The following SCAI variants were observed in gnomAD, a reference collection of about 807,000 sequenced individuals.
The protein encoded by SCAI is protein SCAI.
In SCAI, 24 loss-of-function variants were observed where a neutral mutation model predicts 92.2. That is an observed-to-expected ratio of 0.26 (90% CI 0.19 to 0.37). The LOEUF (loss-of-function observed/expected upper bound fraction) is 0.37, where lower values mean the gene tolerates loss of function less well. Among genes scored for constraint, SCAI ranks in the 10% least tolerant of loss-of-function variants. SCAI has a pLI of 1.00. For synonymous variants in SCAI, 261 were observed against 258.6 expected (o/e 1.01, Z -0.09); for missense variants, 450 against 736.2 (o/e 0.61, Z 4.50).
intron 2 of SCAI, among the ~76,000 whole-genome samples, chr9:125,060,212 TAA>T (rs1199185054): frequency 6.8e-6 from 1 of 146,572 alleles, no homozygotes; most frequent in East Asian, 2.0e-4. Context: ...AGATGTGCTA[TAA>T]ATGTGAGGTA....
At chr9:125,064,552 A>T (rs999910425) in intron 2 of SCAI, among the ~76,000 whole-genome samples, 1 of 152,158 alleles carries the variant, frequency 6.6e-6, no homozygotes, top group African/African-American at 2.4e-5. Flanking sequence ...AAATATTACT[A>T]AAAAAATTCT....
intron 3 of SCAI, 119 bp downstream of exon 3, chr9:125,055,757 C>A (rs1833649374): frequency 1.4e-6 from 1 of 728,320 alleles, no homozygotes; most frequent in East Asian, 2.7e-5. Flanking sequence ...CATGATCACT[C>A]TAATACAGAA....
At chr9:124,964,182 T>C (rs1466835833) in intron 17 of SCAI, among the ~76,000 whole-genome samples, 3 of 152,180 alleles carry the variant, frequency 2.0e-5, no homozygotes, top group Non-Finnish European at 4.4e-5. Flanking sequence ...TTGTCTAATG[T>C]CCATTTGTTT....
In SCAI at chr9:125,005,606, C is replaced by A. The variant is rs368704780; in HGVS notation, c.862-2036G>T. Among the ~76,000 whole-genome samples, 208 of 152,306 alleles carry A rather than the reference C, an allele frequency of 1.4e-3. 4 individuals carry two copies. Among genetic ancestry groups the A allele is most frequent in the African/African-American group, 4.6e-3 (193 of 41,570 alleles). On this transcript the variant is annotated intron_variant, in intron 9 of 17. Coordinates refer to ENST00000336505, the MANE Select transcript of SCAI (RefSeq NM_001144877.3). ...TCGGCCTCCCAAAGTGCTGGGATTA[C>A]AGGCATGAGCCACTGCGCCCAGCCA...
At chr9:125,076,070 T>C (rs1306724248) in intron 2 of SCAI, among the ~76,000 whole-genome samples, 1 of 152,158 alleles carries the variant, frequency 6.6e-6, no homozygotes, top group African/African-American at 2.4e-5. Context: ...GTGTATGTAG[T>C]ATAAATACAA....
chr9:125,091,844 G>C lies in SCAI; in HGVS notation c.99-35837C>G, dbSNP rs987422505. On this transcript the variant is annotated intron_variant, in intron 2 of 17. Coordinates refer to ENST00000336505, the MANE Select transcript of SCAI (RefSeq NM_001144877.3). The surrounding 1 kb of genome is among the most constrained non-coding windows in gnomAD (Gnocchi z 4.3). ...ACAGAGGCTTGGGCCGGGCACAGTG[G>C]CTCACGCCTGTAATCCCAGCACTGC... Among the ~76,000 whole-genome samples, 75 of 152,302 alleles carry C rather than the reference G, an allele frequency of 4.9e-4. No homozygotes were observed. Among genetic ancestry groups the C allele is most frequent in the African/African-American group, 1.8e-3 (73 of 41,560 alleles).
chr9:124,963,177 C>T (rs1588118836), intron 17 of SCAI, among the ~76,000 whole-genome samples: 1 of 151,510 alleles, frequency 6.6e-6, no homozygotes, highest in African/African-American at 2.4e-5. Context: ...GCTTTTGTTA[C>T]CCAGGCTGGA....
chr9:125,083,800 G>A (rs1012170589), intron 2 of SCAI, among the ~76,000 whole-genome samples: 5 of 152,096 alleles, frequency 3.3e-5, no homozygotes, highest in Non-Finnish European at 5.9e-5. Context: ...CTTTCACAGA[G>A]TGTACTTTCT....
chr9:125,104,865 G>A (rs1004505120), intron 2 of SCAI, among the ~76,000 whole-genome samples: 9 of 151,946 alleles, frequency 5.9e-5, no homozygotes, highest in Non-Finnish European at 1.2e-4. Flanking sequence ...GGCTGAGGCA[G>A]GAGAATAGCT....
intron 2 of SCAI, among the ~76,000 whole-genome samples, chr9:125,141,656 C>T (rs1355498576): frequency 6.6e-6 from 1 of 152,138 alleles, no homozygotes; most frequent in Non-Finnish European, 1.5e-5. Context: ...AATAAGAAAA[C>T]CTACTTTCAA....
chr9:125,064,364 G>A (rs906044877), intron 2 of SCAI, among the ~76,000 whole-genome samples: 4 of 152,058 alleles, frequency 2.6e-5, no homozygotes, highest in Non-Finnish European at 4.4e-5. Flanking sequence ...GACGGGTGCC[G>A]TGGTTCAAAT....
At chr9:124,982,348 C>T (rs1282203925) in intron 14 of SCAI, among the ~76,000 whole-genome samples, 4 of 151,992 alleles carry the variant, frequency 2.6e-5, no homozygotes, top group Non-Finnish European at 5.9e-5. Flanking sequence ...TTTCATTGCC[C>T]TAAATTGTAT....
intron 17 of SCAI, among the ~76,000 whole-genome samples, chr9:124,957,133 G>A (rs1480656795): frequency 4.6e-5 from 7 of 151,674 alleles, no homozygotes; most frequent in Non-Finnish European, 8.8e-5. Context: ...CTGGGGCTAT[G>A]GGCATGTGCC....
At chr9:125,008,938 T>C (rs1374765951) in intron 9 of SCAI, among the ~76,000 whole-genome samples, 1 of 151,766 alleles carries the variant, frequency 6.6e-6, no homozygotes, top group African/African-American at 2.4e-5. Context: ...AGTGAGAAAA[T>C]CTTAAAAACA....
At chr9:125,004,752 TATATATATATATATATATATA>T (rs1157145622) in intron 9 of SCAI, among the ~76,000 whole-genome samples, 732 of 15,128 alleles carry the variant, frequency 0.048, 41 homozygotes, top group South Asian at 0.081. Context: ...TATATATATA[TATATATATATATATATATATA>T]TATATATTTT....
intron 2 of SCAI, among the ~76,000 whole-genome samples, chr9:125,137,584 G>A (rs992861413): frequency 2.0e-5 from 3 of 152,138 alleles, no homozygotes; most frequent in African/African-American, 7.2e-5. Flanking sequence ...CACTTGGATT[G>A]AGAAGTATAA....
Position 124,994,913 on chromosome 9 carries a change from A to G in SCAI, c.1326+21T>C, listed in dbSNP as rs774529067. ...TTGGTGCCACAATGTCTACCTGTGC[A>G]ATAGCTCTCATGGAACTCACCTTAT... On this transcript the variant is annotated intron_variant, in intron 14 of 17. Coordinates refer to ENST00000336505, the MANE Select transcript of SCAI (RefSeq NM_001144877.3). The G allele has an allele frequency of 4.5e-6, 7 of 1,570,252 alleles. No individual in the cohort carries two copies. In the African/African-American group the frequency reaches 8.1e-5, roughly 18 times the overall value.
At chr9:125,009,151 GAAAATAT>G (rs982670268) in intron 9 of SCAI, among the ~76,000 whole-genome samples, 11 of 151,870 alleles carry the variant, frequency 7.2e-5, no homozygotes, top group South Asian at 4.1e-4. Flanking sequence ...TCAACTGAAA[GAAAATAT>G]AAAATATAAA....
chr9:125,008,125 G>A (rs529628412), intron 9 of SCAI, among the ~76,000 whole-genome samples: 16 of 150,822 alleles, frequency 1.1e-4, no homozygotes, highest in East Asian at 2.0e-4. Context: ...GATTACAGGC[G>A]TGAGCCACCG....
Sources: allele counts gnomAD v4.1 joint callset (sites outside exome capture counted in the v4.1 genomes callset), GRCh38; gene constraint gnomAD v4.1.1; non-coding constraint Gnocchi (gnomAD v3.1); transcripts MANE v1.5; gene names NCBI Gene and HGNC (gene_info 2026-07-23, HGNC 2026-07-21).